Variants in GSK3B observed in about 807,000 individuals in gnomAD.
GSK3B encodes glycogen synthase kinase 3 beta, also known as glycogen synthase kinase-3 beta.
GSK3B carries 15 observed loss-of-function variants against 56.4 expected under a neutral mutation model. The observed-to-expected ratio is 0.27, with a 90% CI of 0.18 to 0.41. The LOEUF is 0.41. Among genes scored for constraint, GSK3B ranks in the 10% least tolerant of loss-of-function variants. GSK3B has a pLI of 1.00. For missense variants in GSK3B, 300 were observed against 513.4 expected (o/e 0.58, Z 4.02); for synonymous variants, 181 against 188.9 (o/e 0.96, Z 0.34).
chr3:120,080,908 A>T (rs765667437), intron 1 of GSK3B, among the ~76,000 whole-genome samples: 3 of 152,176 alleles, frequency 2.0e-5, no homozygotes, highest in Non-Finnish European at 2.9e-5. Context: ...CCATGATGAA[A>T]AGACTTCTCA....
chr3:119,862,775 C>T (rs2056124926), intron 9 of GSK3B, among the ~76,000 whole-genome samples: 2 of 146,104 alleles, frequency 1.4e-5, no homozygotes, highest in Admixed American at 1.4e-4. Flanking sequence ...TCACTTAGGT[C>T]TTAATCAAGG....
At chr3:119,870,415 A>G (rs1249937266) in intron 8 of GSK3B, among the ~76,000 whole-genome samples, 1 of 152,220 alleles carries the variant, frequency 6.6e-6, no homozygotes, top group Non-Finnish European at 1.5e-5. Context: ...TAAAGAATAA[A>G]TGATAAATTA....
intron 2 of GSK3B, among the ~76,000 whole-genome samples, chr3:119,976,970 C>A (rs1289369268): frequency 6.6e-6 from 1 of 151,978 alleles, no homozygotes; most frequent in Non-Finnish European, 1.5e-5. Context: ...TTTATTTCTC[C>A]TTCTCTCAAA....
At chr3:119,898,325 G>A (rs1016677027) in intron 7 of GSK3B, among the ~76,000 whole-genome samples, 2 of 152,092 alleles carry the variant, frequency 1.3e-5, no homozygotes, top group Non-Finnish European at 2.9e-5. Context: ...ATCCTAAGTC[G>A]GGGACTGTCT....
At chr3:120,090,089 G>A (rs776487872) in intron 1 of GSK3B, among the ~76,000 whole-genome samples, 69 of 152,092 alleles carry the variant, frequency 4.5e-4, no homozygotes, top group Non-Finnish European at 9.0e-4. Flanking sequence ...CAAGTTTTAA[G>A]CATATATCAA....
At chr3:120,067,888 T>C (rs2058293133) in intron 1 of GSK3B, among the ~76,000 whole-genome samples, 1 of 152,166 alleles carries the variant, frequency 6.6e-6, no homozygotes, top group Non-Finnish European at 1.5e-5. Flanking sequence ...GTTTTGAATC[T>C]TTAGTAAAAA....
intron 3 of GSK3B, among the ~76,000 whole-genome samples, chr3:119,946,587 C>T (rs1234404070): frequency 1.3e-5 from 2 of 152,040 alleles, no homozygotes; most frequent in African/African-American, 4.8e-5. Context: ...GAAAGGATAG[C>T]GACAGGCAGA....
chr3:120,064,716 A>G (rs2058265467), intron 1 of GSK3B, among the ~76,000 whole-genome samples: 1 of 152,192 alleles, frequency 6.6e-6, no homozygotes, highest in Non-Finnish European at 1.5e-5. Context: ...ATCTTGAAAA[A>G]GAACGAAGTT....
intron 2 of GSK3B, among the ~76,000 whole-genome samples, chr3:119,952,487 C>CAAAAAAAA (rs59526500): frequency 5.2e-5 from 5 of 96,232 alleles, no homozygotes; most frequent in Admixed American, 1.1e-4. Flanking sequence ...GACTCTGTCT[C>CAAAAAAAA]AAAAAAAAAA....
In GSK3B at chr3:120,002,191, T is replaced by C. The variant is rs2057683930; in HGVS notation, c.137A>G (p.Gln46Arg). The stretch of plus-strand genomic sequence containing the variant: ...GACTTCTTGTGGCCTGTCTGGACCC[T>C]GCCCAGGAGTTGCCACCACTGTTGT... ...KVTTVVATPG[Q>R]GPDRPQEVSY... Residue 46 changes from glutamine to arginine, a missense_variant, in exon 2 of 11, where the codon CAG becomes CGG. Coordinates refer to ENST00000264235, the MANE Select transcript of GSK3B (RefSeq NM_001146156.2). 6.3e-7 allele frequency: 1 copy of C among 1,598,122 alleles called. No individual in the cohort carries two copies. Among genetic ancestry groups the C allele is most frequent in the African/African-American group, 1.4e-5 (1 of 73,826 alleles).
Position 119,824,349 on chromosome 3 carries a change from A to G in GSK3B, c.*2439T>C, listed in dbSNP as rs991552319. 3.0e-5 allele frequency: 6 copies of G among 202,958 alleles called. No homozygotes were observed. The highest frequency in any genetic ancestry group is 6.0e-5 in the Non-Finnish European group (6 of 99,590). 12.6% of individuals were successfully genotyped at this position (202,958 alleles called of 1,614,324 possible). A position where few individuals can be genotyped will look rare whatever the true frequency, so the allele number is the denominator to read the frequency against. ...TCTCAGCACACACACACACACACAC[A>G]CACGCACACATGCACACACAATGAA... On this transcript the variant is annotated 3_prime_UTR_variant, in exon 11 of 11. Transcript: ENST00000264235.
chr3:120,068,390 C>CAA (rs66541739), intron 1 of GSK3B, among the ~76,000 whole-genome samples: 15 of 51,588 alleles, frequency 2.9e-4, no homozygotes, highest in African/African-American at 3.8e-4. Flanking sequence ...GACTCCGTCT[C>CAA]AAAAAAAAAA....
chr3:120,053,025 A>C (rs191028832), intron 1 of GSK3B, among the ~76,000 whole-genome samples: 4 of 152,312 alleles, frequency 2.6e-5, no homozygotes, highest in Admixed American at 2.0e-4. Flanking sequence ...AGAGCTCTAC[A>C]TTCTAAGTAA....
intron 1 of GSK3B, among the ~76,000 whole-genome samples, chr3:120,058,499 A>G (rs903677925): frequency 4.6e-5 from 7 of 152,146 alleles, no homozygotes; most frequent in Non-Finnish European, 1.5e-5. Flanking sequence ...CTGAGAGTAA[A>G]TATACAGAAA....
chr3:119,893,864 C>T (rs371713251), intron 7 of GSK3B, among the ~76,000 whole-genome samples: 3 of 149,890 alleles, frequency 2.0e-5, no homozygotes, highest in African/African-American at 7.5e-5. Context: ...GATGTGCTCA[C>T]TTTTGCCTTA....
intron 1 of GSK3B, among the ~76,000 whole-genome samples, chr3:120,021,700 A>G (rs984648366): frequency 1.3e-5 from 2 of 152,198 alleles, no homozygotes; most frequent in African/African-American, 4.8e-5. Flanking sequence ...AACTGCTGCA[A>G]TCTTGTGATC....
In GSK3B at chr3:120,094,386, G is replaced by A. The variant is rs1363258249; in HGVS notation, c.-952C>T. ...TTCCTTCCTTTGTCACTTGGCCCGG[G>A]CGGCGGCGGCGGCGGCGGCGGCACA... On this transcript the variant is annotated 5_prime_UTR_variant, in exon 1 of 11. Transcript: ENST00000264235. 10 of 273,792 alleles carry A rather than the reference G, an allele frequency of 3.7e-5. No individual in the cohort carries two copies. Among genetic ancestry groups the A allele is most frequent in the Non-Finnish European group, 5.5e-5 (8 of 146,032 alleles). 17.0% of individuals were successfully genotyped at this position (273,792 alleles called of 1,614,324 possible). A position where few individuals can be genotyped will look rare whatever the true frequency, so the allele number is the denominator to read the frequency against.
At chr3:120,066,680 C>A (rs58863896) in intron 1 of GSK3B, among the ~76,000 whole-genome samples, 36,561 of 151,940 alleles carry the variant, frequency 0.24, 4,839 homozygotes, top group East Asian at 0.48. Flanking sequence ...AAATAATGAT[C>A]TAGATTGGGG....
chr3:119,832,946 T>C, intron 10 of GSK3B: 1 of 976,648 alleles, frequency 1.0e-6, no homozygotes, highest in Non-Finnish European at 1.2e-6. Flanking sequence ...ATCTACAGCA[T>C]TTTTTGTTTT....
Sources: allele counts gnomAD v4.1 joint callset (sites outside exome capture counted in the v4.1 genomes callset), GRCh38; gene constraint gnomAD v4.1.1; transcripts MANE v1.5; gene names NCBI Gene and HGNC (gene_info 2026-07-23, HGNC 2026-07-21).